The following FABP6 variants were observed in gnomAD, a reference collection of about 807,000 sequenced individuals.
FABP6 encodes gastrotropin.
In FABP6, 13 loss-of-function variants were observed where a neutral mutation model predicts 14.9. The observed-to-expected ratio is 0.87, with a 90% confidence interval of 0.57 to 1.39. The LOEUF (loss-of-function observed/expected upper bound fraction) is 1.39, where lower values mean the gene tolerates loss of function less well. Among genes scored for constraint, FABP6 ranks in the 40% most tolerant of loss-of-function variants. The pLI is 0.00. For missense variants in FABP6, 161 were observed against 167.2 expected (o/e 0.96, Z 0.20); for synonymous variants, 75 against 63.6 (o/e 1.18, Z -0.85).
intron 1 of FABP6, among the ~76,000 whole-genome samples, chr5:160,231,262 T>G (rs538466244): frequency 6.6e-6 from 1 of 152,340 alleles, no homozygotes; most frequent in East Asian, 1.9e-4. Flanking sequence ...TGTTGTGGGA[T>G]GGGAAGTGAG....
At chr5:160,229,360 G>A (rs960040751), upstream of FABP6, 44 of 1,302,450 alleles carry the variant, frequency 3.4e-5, no homozygotes, top group Middle Eastern at 5.8e-4. Flanking sequence ...GAATAACCTC[G>A]GGGCTCTGTC....
chr5:160,219,140 A>T (rs553849716), intron 3 of FABP6, among the ~76,000 whole-genome samples: 35 of 152,276 alleles, frequency 2.3e-4, no homozygotes, highest in African/African-American at 8.4e-4. Flanking sequence ...TAATCAAGGA[A>T]TTGATAACTC....
At chr5:160,229,804 T>A (rs1313682258) in intron 1 of FABP6, among the ~76,000 whole-genome samples, 180 bp downstream of exon 1, 1 of 151,956 alleles carries the variant, frequency 6.6e-6, no homozygotes, top group African/African-American at 2.4e-5. Flanking sequence ...TAATAAGAAC[T>A]AAGACACTCT....
upstream of FABP6, among the ~76,000 whole-genome samples, chr5:160,224,535 C>T (rs1760201176): frequency 1.3e-5 from 2 of 152,216 alleles, no homozygotes; most frequent in Admixed American, 1.3e-4. Context: ...AATGATTAAG[C>T]TTAATGGGGG....
chr5:160,224,698 G>A (rs974042234), upstream of FABP6, among the ~76,000 whole-genome samples: 6 of 152,116 alleles, frequency 3.9e-5, no homozygotes, highest in African/African-American at 1.4e-4. Context: ...AAAGGCTAAG[G>A]TGGGAGAATC....
intron 2 of FABP6, among the ~76,000 whole-genome samples, chr5:160,213,080 G>C (rs1240383289): frequency 6.6e-6 from 1 of 152,180 alleles, no homozygotes; most frequent in African/African-American, 2.4e-5. Flanking sequence ...TTCAAGAACT[G>C]TCCACCCAGA....
At chr5:160,197,147 C>A (rs1346497794) in intron 1 of FABP6, 1 of 152,254 alleles carries the variant, frequency 6.6e-6, no homozygotes, top group Non-Finnish European at 1.5e-5. Context: ...CCACAGGGGC[C>A]CTGCCCGGCT....
intron 1 of FABP6, among the ~76,000 whole-genome samples, chr5:160,194,934 T>G (rs984534538): frequency 6.6e-6 from 1 of 152,192 alleles, no homozygotes; most frequent in African/African-American, 2.4e-5. Context: ...TCAAGGAATA[T>G]TTGTTGTCTG....
intron 1 of FABP6, among the ~76,000 whole-genome samples, chr5:160,231,793 C>A (rs1760388197): frequency 6.6e-6 from 1 of 152,152 alleles, no homozygotes; most frequent in Non-Finnish European, 1.5e-5. Context: ...TGAGCACCCA[C>A]CATGTGCCAG....
chr5:160,213,298 A>C (rs1348970516), intron 2 of FABP6, among the ~76,000 whole-genome samples: 1 of 152,172 alleles, frequency 6.6e-6, no homozygotes, highest in Non-Finnish European at 1.5e-5. Flanking sequence ...CATGGACATG[A>C]GGTGGGCTCA....
chr5:160,205,257 G>T (rs1759736930), intron 2 of FABP6, among the ~76,000 whole-genome samples: 1 of 141,200 alleles, frequency 7.1e-6, no homozygotes, highest in Non-Finnish European at 1.5e-5. Flanking sequence ...AGCAGAGGTT[G>T]CAGTGAGCCG....
intron 2 of FABP6, among the ~76,000 whole-genome samples, chr5:160,207,739 T>G (rs1759798973): frequency 6.6e-6 from 1 of 151,194 alleles, no homozygotes; most frequent in Non-Finnish European, 1.5e-5. Context: ...TTTTTTTTTT[T>G]TGAGATGAAG....
At chr5:160,200,414 C>CTA (rs1554112051) in intron 2 of FABP6, among the ~76,000 whole-genome samples, 4 of 57,216 alleles carry the variant, frequency 7.0e-5, no homozygotes, top group African/African-American at 2.6e-4. Flanking sequence ...CCTTTTTTTT[C>CTA]TATTTTTTTT....
At chr5:160,228,766 CCTT>C (rs1372232983), upstream of FABP6, 9 of 309,724 alleles carry the variant, frequency 2.9e-5, no homozygotes, top group African/African-American at 1.9e-4. Context: ...CATCTGTTCT[CCTT>C]CAAGTTTGCT....
Position 160,199,228 on chromosome 5 carries a change from A to T in FABP6, c.51+71A>T, listed in dbSNP as rs1759577990. On this transcript the variant is annotated intron_variant, in intron 2 of 6. Coordinates refer to the FABP6 transcript ENST00000393980. ...GATGACCCAGGTCACAGTGGGGAGA[A>T]CACCTTGGGTGGGGGACTTGCTCGC... 2.6e-6 allele frequency: 4 copies of T among 1,513,960 alleles called. No homozygotes were observed. In the Admixed American group the frequency reaches 6.7e-5, roughly 25 times the overall value. The allele number at this position is 1,513,960 out of a possible 1,614,324, so 93.8% of individuals were successfully genotyped here.
intron 2 of FABP6, among the ~76,000 whole-genome samples, chr5:160,206,576 A>T (rs1373524379): frequency 6.6e-6 from 1 of 152,216 alleles, no homozygotes; most frequent in Non-Finnish European, 1.5e-5. Flanking sequence ...ATGCATGCAA[A>T]TCTATGTATA....
Position 160,212,711 on chromosome 5 carries a change from C to T in FABP6, c.52-1025C>T, listed in dbSNP as rs183347378. On this transcript the variant is annotated intron_variant, in intron 2 of 6. Coordinates refer to the FABP6 transcript ENST00000393980. ...GTCTCGATCTCCTGACCTTGTGAGCCGCCTGCCTCAGCCTCCCAAAGTGTT... is the reference window on the plus strand; with the variant it reads ...GTCTCGATCTCCTGACCTTGTGAGCTGCCTGCCTCAGCCTCCCAAAGTGTT... Among the ~76,000 whole-genome samples, 83 of 152,022 alleles carry T rather than the reference C, an allele frequency of 5.5e-4. 1 individual carries two copies. In the East Asian group the frequency reaches 0.015, roughly 27 times the overall value.
At chr5:160,231,909 T>G (rs1242469465) in intron 1 of FABP6, 189 bp from the exon 2 acceptor site, 2 of 584,328 alleles carry the variant, frequency 3.4e-6, no homozygotes, top group African/African-American at 1.9e-5. Flanking sequence ...CTCAGAGAGA[T>G]AGGGACTTTC....
At chr5:160,217,091 T>C (rs1268684796) in intron 3 of FABP6, among the ~76,000 whole-genome samples, 1 of 152,204 alleles carries the variant, frequency 6.6e-6, no homozygotes, top group South Asian at 2.1e-4. Flanking sequence ...TGATAATTTA[T>C]GTAAAGCATT....
Sources: gnomAD v4.1 joint callset for allele counts (sites outside exome capture counted in the v4.1 genomes callset) on GRCh38, gnomAD v4.1.1 for gene constraint, MANE v1.5 for transcripts, NCBI Gene and HGNC (gene_info 2026-07-23, HGNC 2026-07-21) for gene names.